The following JUP variants were observed in gnomAD, a reference collection of about 807,000 sequenced individuals.
JUP encodes the protein junction plakoglobin.
JUP carries 28 observed loss-of-function variants against 71.1 expected under a neutral mutation model. The observed-to-expected ratio is 0.39, with a 90% CI of 0.29 to 0.54. The LOEUF (loss-of-function observed/expected upper bound fraction) is 0.54, where lower values mean the gene tolerates loss of function less well. Ranked by LOEUF, JUP falls within the 20% of genes least tolerant of loss-of-function variation. JUP has a pLI of 0.62. For missense variants in JUP, 869 were observed against 1,030.1 expected, an observed-to-expected ratio of 0.84 and a Z score of 2.14; for synonymous variants, 401 against 438.9, an observed-to-expected ratio of 0.91 and a Z score of 1.08.
At position 41,757,792 on chromosome 17, in the gene JUP, G is replaced by C. The variant is rs781837434; in HGVS notation, c.1774-8C>G. 1 of 1,603,102 alleles carries C rather than the reference G, an allele frequency of 6.2e-7. No homozygotes were observed. The highest frequency in any genetic ancestry group is 1.1e-5 in the South Asian group (1 of 89,326). On this transcript the variant is annotated splice_polypyrimidine_tract_variant and splice_region_variant and intron_variant, in intron 10 of 13. Coordinates refer to ENST00000393931, the MANE Select transcript of JUP (RefSeq NM_002230.4). ...CACCGACGAGTACAGGAGCTGGGGA[G>C]AGGGGACGTGGGAAGCAGGGGAGAG...
chr17:41,784,109 T>C (rs1008105679), intron 1 of JUP, among the ~76,000 whole-genome samples: 1 of 152,116 alleles, frequency 6.6e-6, no homozygotes, highest in African/African-American at 2.4e-5. Context: ...ACTGCCCCAC[T>C]GTCCCATCTC....
intron 1 of JUP, among the ~76,000 whole-genome samples, chr17:41,773,329 C>G (rs938973197): frequency 3.9e-5 from 6 of 152,174 alleles, no homozygotes; most frequent in African/African-American, 1.4e-4. Flanking sequence ...AGGAGGATGA[C>G]GAATGGTCCT....
At chr17:41,767,059 A>G (rs1915842458) in intron 5 of JUP, among the ~76,000 whole-genome samples, 1 of 151,956 alleles carries the variant, frequency 6.6e-6, no homozygotes, top group Non-Finnish European at 1.5e-5. Context: ...AAAAAAAAAA[A>G]AAAAATCAGG....
intron 12 of JUP, 25 bp downstream of exon 12, chr17:41,757,390 C>A: frequency 1.2e-6 from 2 of 1,614,052 alleles, no homozygotes; most frequent in South Asian, 1.1e-5. Flanking sequence ...CAACCAACTA[C>A]TGTGGTCCAA....
rs1916693611 is a variant in JUP at position 41,771,792 on chromosome 17, G to A, written c.63C>T (p.Thr21=). The change falls in exon 2 of 14, where the codon ACC becomes ACT. Residue 21 remains threonine, a synonymous_variant. Transcript: ENST00000393931. ...CGCCCGAGTGGATACCCGAGTCGTA[G>A]GTGTATGTCTGCTGCCACTCAGTCA... The part of the protein sequence containing the change: ...IKVTEWQQTY[T]YDSGIHSGAN... The A allele has an allele frequency of 6.2e-7, 1 of 1,613,924 alleles. No homozygotes were observed. The highest frequency in any genetic ancestry group is 8.5e-7 in the Non-Finnish European group (1 of 1,179,970).
chr17:41,784,110 G>A (rs1412889521), intron 1 of JUP, among the ~76,000 whole-genome samples: 1 of 152,090 alleles, frequency 6.6e-6, no homozygotes, highest in Non-Finnish European at 1.5e-5. Flanking sequence ...CTGCCCCACT[G>A]TCCCATCTCT....
chr17:41,767,460 C>T lies in JUP; in HGVS notation c.828G>A (p.Leu276=). 6.2e-7 allele frequency: 1 copy of T among 1,614,124 alleles called. No individual in the cohort carries two copies. The highest frequency in any genetic ancestry group is 1.1e-5 in the South Asian group (1 of 91,080). The change falls in exon 5 of 14, where the codon CTG becomes CTA. Residue 276 remains leucine (L), a synonymous_variant. Coordinates refer to ENST00000393931, the MANE Select transcript of JUP (RefSeq NM_002230.4). The part of the protein sequence containing the change: ...LADGLQKMVP[L]LNKNNPKFLA... ...GGAACTTGGGGTTGTTCTTGTTGAG[C>T]AGGGGCACCATCTTTTGCAGCCCGT...
intron 5 of JUP, among the ~76,000 whole-genome samples, chr17:41,765,633 G>A (rs890793901): frequency 7.2e-5 from 11 of 152,048 alleles, no homozygotes; most frequent in South Asian, 4.1e-4. Context: ...GATTACAGGC[G>A]TGAACCACCA....
At chr17:41,779,716 AGTATAGTG>A (rs1462828739) in intron 1 of JUP, among the ~76,000 whole-genome samples, 3 of 151,786 alleles carry the variant, frequency 2.0e-5, no homozygotes, top group Admixed American at 2.0e-4. Context: ...CCCAAGCTGG[AGTATAGTG>A]GCACAATCAT....
chr17:41,768,636 G>A (rs902207765), intron 4 of JUP, among the ~76,000 whole-genome samples: 6 of 151,996 alleles, frequency 3.9e-5, no homozygotes, highest in African/African-American at 7.3e-5. Flanking sequence ...AAGGGACTTT[G>A]CATTTGCTGT....
intron 8 of JUP, among the ~76,000 whole-genome samples, chr17:41,761,072 CA>C (rs1914730818): frequency 1.3e-5 from 2 of 152,146 alleles, no homozygotes; most frequent in Non-Finnish European, 1.5e-5. Flanking sequence ...GGTCTGCCCA[CA>C]CCCTGACCCA....
At chr17:41,763,380 C>T (rs1488136328) in intron 7 of JUP, 59 bp from the exon 8 acceptor site, 19 of 1,298,816 alleles carry the variant, frequency 1.5e-5, no homozygotes, top group Middle Eastern at 2.4e-4. Flanking sequence ...GGAGCCTTCT[C>T]GAATATGTCC....
At chr17:41,764,651 C>T (rs1915404649) in intron 7 of JUP, 62 bp downstream of exon 7, 1 of 1,381,722 alleles carries the variant, frequency 7.2e-7, no homozygotes, top group Admixed American at 1.7e-5. Flanking sequence ...GTCAGATGCC[C>T]AGACAGGAGG....
chr17:41,771,960 C>A (rs1324017625), intron 1 of JUP, 98 bp from the exon 2 acceptor site: 1 of 1,001,864 alleles, frequency 1.0e-6, no homozygotes. Context: ...CCCACATCAT[C>A]ACCATGGCCC....
chr17:41,762,947 T>G (rs1915129748), intron 8 of JUP, 36 bp downstream of exon 8: 3 of 1,594,440 alleles, frequency 1.9e-6, no homozygotes, highest in African/African-American at 2.7e-5. Context: ...CTAAGCCTGC[T>G]GCAGGGAGCT....
In JUP at chr17:41,769,641, G is replaced by A; in HGVS notation, c.245C>T (p.Ala82Val). The change falls in exon 3 of 14, where the codon GCC (alanine) becomes GTC (valine). Residue 82 changes from alanine to valine, a missense_variant. Physicochemically the swap from Ala to Val is moderately conservative, Grantham distance 64 (BLOSUM62 0). Coordinates refer to ENST00000393931, the MANE Select transcript of JUP (RefSeq NM_002230.4). ...LEYQMSTTAR[A>V]KRVREAMCPG... ...GCACATGGCCTCCCGCACCCGTTTG[G>A]CCCTGGCTGTTGTGGACATCTGGTA... 6.2e-7 allele frequency: 1 copy of A among 1,607,464 alleles called. No homozygotes were observed. The highest frequency in any genetic ancestry group is 8.5e-7 in the Non-Finnish European group (1 of 1,177,794).
rs200467188 is a variant in JUP at position 41,756,581 on chromosome 17, AG to A, written c.2047-368del. ...ACCATTGCACTCCAGCCTGGGCGAC[AG>A]GAGTGAGACTCTGTCTCGAAAAAAA... On this transcript the variant is annotated intron_variant, in intron 12 of 13. Transcript: ENST00000393931. 2.5e-4 allele frequency among the ~76,000 whole-genome samples: 37 copies of A among 148,270 alleles called. No homozygotes were observed. In the East Asian group the frequency reaches 6.1e-3, roughly 24 times the overall value.
intron 5 of JUP, among the ~76,000 whole-genome samples, chr17:41,766,097 C>T (rs1555603916): frequency 6.6e-6 from 1 of 151,868 alleles, no homozygotes; most frequent in Non-Finnish European, 1.5e-5. Flanking sequence ...AAAACTTAGC[C>T]CGGGTGCTAA....
At chr17:41,770,519 C>T (rs1450203291) in intron 2 of JUP, among the ~76,000 whole-genome samples, 1 of 152,180 alleles carries the variant, frequency 6.6e-6, no homozygotes, top group Non-Finnish European at 1.5e-5. Flanking sequence ...CCTGGCCCTG[C>T]CAGCCAAAAG....
Sources: gnomAD v4.1 joint callset for allele counts (sites outside exome capture counted in the v4.1 genomes callset) on GRCh38, gnomAD v4.1.1 for gene constraint, MANE v1.5 for transcripts, NCBI Gene and HGNC (gene_info 2026-07-23, HGNC 2026-07-21) for gene names.